The following KCNK13 variants were observed in gnomAD, a reference collection of about 807,000 sequenced individuals.
KCNK13 encodes potassium two pore domain channel subfamily K member 13, also known as potassium channel subfamily K member 13.
A neutral mutation model predicts 23.4 loss-of-function variants in KCNK13; 12 were observed. That is an observed-to-expected ratio of 0.51 (90% CI 0.33 to 0.83). The LOEUF (loss-of-function observed/expected upper bound fraction) is 0.83. Ranked by LOEUF, KCNK13 falls within the 40% of genes least tolerant of loss-of-function variation. The probability of loss-of-function intolerance (pLI) is 0.02; values close to 1 mark genes in which losing one functional copy is unlikely to be tolerated. For synonymous variants in KCNK13, 231 were observed against 229.5 expected, an observed-to-expected ratio of 1.01 and a Z score of -0.06; for missense variants, 463 against 556.3, an observed-to-expected ratio of 0.83 and a Z score of 1.69.
At chr14:90,124,954 T>C (rs1307532857) in intron 1 of KCNK13, among the ~76,000 whole-genome samples, 1 of 152,188 alleles carries the variant, frequency 6.6e-6, no homozygotes, top group Non-Finnish European at 1.5e-5. Flanking sequence ...AGTGTTAGGC[T>C]GAAGAAGTTA....
chr14:90,145,097 T>C (rs1890058118), intron 1 of KCNK13, among the ~76,000 whole-genome samples: 1 of 152,116 alleles, frequency 6.6e-6, no homozygotes, highest in Non-Finnish European at 1.5e-5. Context: ...GTAAATTACA[T>C]TGATTTTCAA....
chr14:90,072,536 A>T (rs1483535951), intron 1 of KCNK13, among the ~76,000 whole-genome samples: 3 of 152,100 alleles, frequency 2.0e-5, no homozygotes, highest in Admixed American at 6.6e-5. Flanking sequence ...TATCTTTGGG[A>T]GGGAGGACAG....
chr14:90,092,840 AG>A (rs1889364390), intron 1 of KCNK13, among the ~76,000 whole-genome samples: 1 of 139,848 alleles, frequency 7.2e-6, no homozygotes, highest in African/African-American at 2.6e-5. Context: ...TGAGCCCAGG[AG>A]GTCGAGGCTG....
At chr14:90,174,370 C>G (rs6575110) in intron 1 of KCNK13, among the ~76,000 whole-genome samples, 17,483 of 152,106 alleles carry the variant, frequency 0.11, 1,609 homozygotes, top group African/African-American at 0.26. Context: ...AACTCCCTCA[C>G]TATCATGAGA....
At chr14:90,137,125 G>T (rs1889946557) in intron 1 of KCNK13, among the ~76,000 whole-genome samples, 1 of 152,136 alleles carries the variant, frequency 6.6e-6, no homozygotes, top group Non-Finnish European at 1.5e-5. Context: ...ACACAGAAAA[G>T]TAGTAAACCT....
At chr14:90,168,435 G>A (rs183360814) in intron 1 of KCNK13, among the ~76,000 whole-genome samples, 3 of 151,926 alleles carry the variant, frequency 2.0e-5, no homozygotes, top group Admixed American at 6.6e-5. Flanking sequence ...CCTTTGCTGG[G>A]TTTTGTTGGG....
intron 1 of KCNK13, among the ~76,000 whole-genome samples, chr14:90,101,025 C>T (rs768706815): frequency 6.6e-5 from 10 of 152,070 alleles, no homozygotes; most frequent in Non-Finnish European, 1.3e-4. Flanking sequence ...GCAGATGCTT[C>T]CACGTGCTTT....
intron 1 of KCNK13, among the ~76,000 whole-genome samples, chr14:90,154,225 C>T (rs1170168056): frequency 6.6e-6 from 1 of 152,030 alleles, no homozygotes; most frequent in East Asian, 1.9e-4. Context: ...ACCCACAATG[C>T]TGTGCTCTCC....
Position 90,128,554 on chromosome 14 carries a change from C to T in KCNK13, c.335-55557C>T, listed in dbSNP as rs554198882. 8.5e-5 allele frequency among the ~76,000 whole-genome samples: 13 copies of T among 152,196 alleles called. No homozygotes were observed. In the South Asian group the frequency reaches 2.7e-3, roughly 32 times the overall value. ...AAGCATAGCGGCAGAAATAAAGGGC[C>T]AGCCCTCAGCACCTTACCATCCTGG... On this transcript the variant is annotated intron_variant, in intron 1 of 1. Coordinates refer to ENST00000282146, the MANE Select transcript of KCNK13 (RefSeq NM_022054.4).
intron 1 of KCNK13, among the ~76,000 whole-genome samples, chr14:90,178,231 CA>C (rs34726346): frequency 0.048 from 3,587 of 75,066 alleles, 17 homozygotes; most frequent in Non-Finnish European, 0.052. Flanking sequence ...TTCCTAAAAG[CA>C]AAAAAAAAAA....
intron 1 of KCNK13, among the ~76,000 whole-genome samples, chr14:90,162,331 G>A (rs1481909420): frequency 6.6e-6 from 1 of 152,194 alleles, no homozygotes; most frequent in Non-Finnish European, 1.5e-5. Context: ...CGGGAGAGTG[G>A]AGAAAGAATA....
At chr14:90,111,763 C>T (rs1889617783) in intron 1 of KCNK13, among the ~76,000 whole-genome samples, 1 of 152,206 alleles carries the variant, frequency 6.6e-6, no homozygotes, top group Admixed American at 6.5e-5. Flanking sequence ...CAGGCAGTTG[C>T]TTACTATAGA....
intron 1 of KCNK13, among the ~76,000 whole-genome samples, chr14:90,095,944 A>G (rs1048032816): frequency 6.6e-6 from 1 of 152,128 alleles, no homozygotes; most frequent in African/African-American, 2.4e-5. Context: ...ACTTTGCTAG[A>G]GTGGCTCACA....
In KCNK13 at chr14:90,109,754, G is replaced by A. The variant is rs565314671; in HGVS notation, c.334+47215G>A. On this transcript the variant is annotated intron_variant, in intron 1 of 1. Transcript: ENST00000282146. ...AGAAAGGACTTGCTCTGTCACCCAGGCTGGAGTGCAATGGTGCAATCACGG... is the reference window on the plus strand; with the variant it reads ...AGAAAGGACTTGCTCTGTCACCCAGACTGGAGTGCAATGGTGCAATCACGG... Among the ~76,000 whole-genome samples the A allele has an allele frequency of 2.5e-4, 38 of 150,380 alleles. 1 individual carries two copies. The highest frequency in any genetic ancestry group is 4.7e-4 in the Admixed American group (7 of 14,976).
At chr14:90,115,216 T>C (rs1430793842) in intron 1 of KCNK13, among the ~76,000 whole-genome samples, 1 of 152,074 alleles carries the variant, frequency 6.6e-6, no homozygotes, top group Non-Finnish European at 1.5e-5. Context: ...ATAACAGCAG[T>C]AGTTGGACCC....
At chr14:90,113,868 G>T (rs1025001963) in intron 1 of KCNK13, among the ~76,000 whole-genome samples, 1 of 152,088 alleles carries the variant, frequency 6.6e-6, no homozygotes. Context: ...AGGAGGTGGA[G>T]GTTGCAGTGA....
intron 1 of KCNK13, among the ~76,000 whole-genome samples, chr14:90,122,941 T>G (rs745366151): frequency 8.5e-5 from 13 of 152,128 alleles, no homozygotes; most frequent in Non-Finnish European, 1.3e-4. Flanking sequence ...CTCAGCACTC[T>G]CATGGAGTGG....
At chr14:90,125,685 C>T (rs996517897) in intron 1 of KCNK13, among the ~76,000 whole-genome samples, 1 of 151,950 alleles carries the variant, frequency 6.6e-6, no homozygotes, top group Admixed American at 6.6e-5. Flanking sequence ...ATTGAAAGCA[C>T]TCTCAGTGGC....
intron 1 of KCNK13, among the ~76,000 whole-genome samples, chr14:90,140,631 T>C (rs1469253419): frequency 6.6e-6 from 1 of 152,104 alleles, no homozygotes; most frequent in Admixed American, 6.5e-5. Flanking sequence ...CCCACAGGAT[T>C]CCCTGTAAGA....
Sources: gnomAD v4.1 joint callset for allele counts (sites outside exome capture counted in the v4.1 genomes callset) on GRCh38, gnomAD v4.1.1 for gene constraint, MANE v1.5 for transcripts, NCBI Gene and HGNC (gene_info 2026-07-23, HGNC 2026-07-21) for gene names.